Variants in AGAP1 observed in about 807,000 individuals in gnomAD.
AGAP1 encodes the protein arf-GAP with GTPase, ANK repeat and PH domain-containing protein 1.
AGAP1 carries 29 observed loss-of-function variants against 105.3 expected under a neutral mutation model. The ratio of observed to expected loss-of-function variants is 0.28; its 90% CI spans 0.21 to 0.38. The LOEUF (loss-of-function observed/expected upper bound fraction) is 0.38. Among genes scored for constraint, AGAP1 ranks in the 10% least tolerant of loss-of-function variants. AGAP1 has a pLI of 1.00. For synonymous variants in AGAP1, 509 were observed against 485.9 expected (o/e 1.05, Z -0.63); for missense variants, 998 against 1,165.1 (o/e 0.86, Z 2.09).
At chr2:235,561,133 G>A (rs1944136723) in intron 1 of AGAP1, among the ~76,000 whole-genome samples, 3 of 152,164 alleles carry the variant, frequency 2.0e-5, no homozygotes, top group Admixed American at 2.0e-4. Context: ...CTTCCATAGG[G>A]TCACTGCCTC....
rs2059197733 is a variant in AGAP1, at chr2:236,096,577, ATTTATTT to A, written c.2115-23604_2115-23598del. On this transcript the variant is annotated intron_variant, in intron 16 of 17. Transcript: ENST00000304032. This position sits in a 1 kb window ranked among gnomAD's most constrained non-coding sequence, Gnocchi z 4.4. ...GACAAATGATGCAGTTTTATTTTTTATTTATTTTTTATTTTTTTGGGACAGAGTCTCG... is the reference window on the plus strand; with the variant it reads ...GACAAATGATGCAGTTTTATTTTTTATTTATTTTTTTGGGACAGAGTCTCG... Among the ~76,000 whole-genome samples the A allele has an allele frequency of 6.6e-6, 1 of 151,176 alleles. No homozygotes were observed. Among genetic ancestry groups the A allele is most frequent in the Non-Finnish European group, 1.5e-5 (1 of 67,878 alleles).
rs1944799244 is a variant in AGAP1 at position 235,578,118 on chromosome 2, G to A, written c.163+83269G>A. Among the ~76,000 whole-genome samples the A allele has an allele frequency of 6.6e-6, 1 of 152,260 alleles. No individual in the cohort carries two copies. The highest frequency in any genetic ancestry group is 1.5e-5 in the Non-Finnish European group (1 of 68,016). On this transcript the variant is annotated intron_variant, in intron 1 of 17. Coordinates refer to ENST00000304032, the MANE Select transcript of AGAP1 (RefSeq NM_001037131.3). The surrounding 1 kb of genome is among the most constrained non-coding windows in gnomAD (Gnocchi z 4.9). ...GGAGCAGAGACAAGAGTTCCAGGGCGAGCCTCAGTTCTGGGACCACCATTG... is the reference window on the plus strand; with the variant it reads ...GGAGCAGAGACAAGAGTTCCAGGGCAAGCCTCAGTTCTGGGACCACCATTG...
rs1203984621 is a variant in AGAP1 at position 235,582,800 on chromosome 2, G to A, written c.163+87951G>A. Among the ~76,000 whole-genome samples, 3 of 152,154 alleles carry A rather than the reference G, an allele frequency of 2.0e-5. No individual in the cohort carries two copies. Among genetic ancestry groups the A allele is most frequent in the Admixed American group, 6.5e-5 (1 of 15,282 alleles). Reference sequence around the variant, plus strand: ...CTTGAGTCCCACGTCCTAGCCTCCCGGCATCACAGCCTTATGCTGCATTTC... The same window carrying A: ...CTTGAGTCCCACGTCCTAGCCTCCCAGCATCACAGCCTTATGCTGCATTTC... On this transcript the variant is annotated intron_variant, in intron 1 of 17. Transcript: ENST00000304032. This position sits in a 1 kb window ranked among gnomAD's most constrained non-coding sequence, Gnocchi z 4.7.
At chr2:235,567,971 C>T (rs1442482932) in intron 1 of AGAP1, among the ~76,000 whole-genome samples, 1 of 152,136 alleles carries the variant, frequency 6.6e-6, no homozygotes, top group Non-Finnish European at 1.5e-5. Context: ...GGCTTTGGAG[C>T]CAGCATCCTT....
At chr2:236,030,687 G>C (rs553207844) in intron 13 of AGAP1, among the ~76,000 whole-genome samples, 2 of 152,316 alleles carry the variant, frequency 1.3e-5, no homozygotes, top group Non-Finnish European at 2.9e-5. Context: ...ATGCCTCACT[G>C]TGGACTGCTG....
rs143368890 is a variant in AGAP1 at position 235,874,084 on chromosome 2, G to A, written c.1051-9261G>A. ...TGTTTTTGTTTTTGTTTTGAGACAG[G>A]GTCTTGCTCTGTCGCCAGGCTGGAG... On this transcript the variant is annotated intron_variant, in intron 9 of 17. Coordinates refer to ENST00000304032, the MANE Select transcript of AGAP1 (RefSeq NM_001037131.3). This position sits in a 1 kb window ranked among gnomAD's most constrained non-coding sequence, Gnocchi z 4.5. Among the ~76,000 whole-genome samples the A allele has an allele frequency of 0.013, 2,014 of 151,662 alleles. 45 individuals are homozygous for A. Among genetic ancestry groups the A allele is most frequent in the African/African-American group, 0.046 (1,882 of 41,326 alleles).
In AGAP1 at chr2:235,494,663, GGCTC is replaced by G. The variant is rs1941228178; in HGVS notation, c.-23_-20del. The G allele has an allele frequency of 8.9e-6, 9 of 1,009,408 alleles. No homozygotes were observed. The highest frequency in any genetic ancestry group is 1.8e-5 in the African/African-American group (1 of 56,292). The allele number at this position is 1,009,408 out of a possible 1,614,324, so 62.5% of individuals were successfully genotyped here. On this transcript the variant is annotated 5_prime_UTR_variant, in exon 1 of 18. Coordinates refer to ENST00000304032, the MANE Select transcript of AGAP1 (RefSeq NM_001037131.3). The stretch of plus-strand genomic sequence containing the variant: ...GGGGCGGCGGCGGCGGGGGGCGCGC[GGCTC>G]CGGGCGCGGCGCCTGCACCATGAAC...
In AGAP1 at chr2:235,692,886, C is replaced by T. The variant is rs1456768345; in HGVS notation, c.164-16293C>T. ...TGGCACTGCCTGGCTCCGGAGATAG[C>T]GAGGGAGGGAGGGAGGCAGTGAGCA... is the stretch of plus-strand genomic sequence containing the variant. On this transcript the variant is annotated intron_variant, in intron 1 of 17. Transcript: ENST00000304032. The surrounding 1 kb of genome is among the most constrained non-coding windows in gnomAD (Gnocchi z 5.8). 3.3e-5 allele frequency among the ~76,000 whole-genome samples: 5 copies of T among 151,462 alleles called. No homozygotes were observed. The highest frequency in any genetic ancestry group is 1.3e-4 in the Admixed American group (2 of 15,216).
In AGAP1 at chr2:236,113,573, G is replaced by A. The variant is rs1476808918; in HGVS notation, c.2115-6619G>A. On this transcript the variant is annotated intron_variant, in intron 16 of 17. Coordinates refer to ENST00000304032, the MANE Select transcript of AGAP1 (RefSeq NM_001037131.3). The surrounding 1 kb of genome is among the most constrained non-coding windows in gnomAD (Gnocchi z 4.3). ...GATTACACCTTGCCAGCTGAGTCAT[G>A]CAGTGGATTTGGCATGGCAGGCACT... 6.6e-6 allele frequency among the ~76,000 whole-genome samples: 1 copy of A among 152,242 alleles called. No homozygotes were observed. The highest frequency in any genetic ancestry group is 6.5e-5 in the Admixed American group (1 of 15,280).
At chr2:235,653,843 G>C (rs918189378) in intron 1 of AGAP1, among the ~76,000 whole-genome samples, 2 of 152,184 alleles carry the variant, frequency 1.3e-5, no homozygotes, top group East Asian at 3.9e-4. Flanking sequence ...GATTATTTGA[G>C]GTCGGGAGTT....
Position 235,787,121 on chromosome 2 carries a change from C to T in AGAP1, c.674-10638C>T, listed in dbSNP as rs887580137. Among the ~76,000 whole-genome samples, 6 of 152,206 alleles carry T rather than the reference C, an allele frequency of 3.9e-5. No homozygotes were observed. Among genetic ancestry groups the T allele is most frequent in the South Asian group, 2.1e-4 (1 of 4,810 alleles). ...CCACAGGCTTGTGATCAGTGGGCTC[C>T]GGTTCTCACTTCTTGTCTTTGAGTT... On this transcript the variant is annotated intron_variant, in intron 6 of 17. Coordinates refer to ENST00000304032, the MANE Select transcript of AGAP1 (RefSeq NM_001037131.3). This position sits in a 1 kb window ranked among gnomAD's most constrained non-coding sequence, Gnocchi z 4.4.
chr2:235,912,126 T>G (rs1307310165), intron 11 of AGAP1, among the ~76,000 whole-genome samples: 1 of 152,242 alleles, frequency 6.6e-6, no homozygotes, highest in Non-Finnish European at 1.5e-5. Context: ...AGGAAGCAGC[T>G]TCATTAAAAT....
chr2:235,780,816 TC>T (rs1575441536), intron 6 of AGAP1, among the ~76,000 whole-genome samples: 1 of 152,186 alleles, frequency 6.6e-6, no homozygotes, highest in East Asian at 1.9e-4. Flanking sequence ...AAACAGTTGA[TC>T]CTGGCCGAGG....
At chr2:236,066,306 A>C (rs1354033794) in intron 16 of AGAP1, among the ~76,000 whole-genome samples, 1 of 152,122 alleles carries the variant, frequency 6.6e-6, no homozygotes, top group South Asian at 2.1e-4. Context: ...GTTCACTGCA[A>C]CCTCTGCCTC....
rs186129806 is a variant in AGAP1, at chr2:235,737,492, C to T, written c.311-3471C>T. 8.5e-5 allele frequency among the ~76,000 whole-genome samples: 13 copies of T among 152,286 alleles called. No individual in the cohort carries two copies. Among genetic ancestry groups the T allele is most frequent in the Admixed American group, 1.3e-4 (2 of 15,302 alleles). ...TTGCTTGAGATCACAAAGCCAGAGA[C>T]TTCAGGAGAGCAGAAATGAGAAGGC... is the stretch of plus-strand genomic sequence containing the variant. On this transcript the variant is annotated intron_variant, in intron 3 of 17. Transcript: ENST00000304032. This position sits in a 1 kb window ranked among gnomAD's most constrained non-coding sequence, Gnocchi z 4.5.
rs1951792412 is a variant in AGAP1 at position 235,728,868 on chromosome 2, TGAA to T, written c.310+11229_310+11231del. Among the ~76,000 whole-genome samples the T allele has an allele frequency of 6.6e-6, 1 of 151,988 alleles. No homozygotes were observed. The highest frequency in any genetic ancestry group is 6.6e-5 in the Admixed American group (1 of 15,264). ...AAGAAGGGAGTAGGTTTAGGTTGGA[TGAA>T]GAAGGGAGGTTTGGAGCCTGGACGA... On this transcript the variant is annotated intron_variant, in intron 3 of 17. Coordinates refer to ENST00000304032, the MANE Select transcript of AGAP1 (RefSeq NM_001037131.3). The surrounding 1 kb of genome is among the most constrained non-coding windows in gnomAD (Gnocchi z 4.3).
Position 235,550,007 on chromosome 2 carries a change from T to C in AGAP1, c.163+55158T>C, listed in dbSNP as rs1943753431. Among the ~76,000 whole-genome samples the C allele has an allele frequency of 6.6e-6, 1 of 152,164 alleles. No individual in the cohort carries two copies. The highest frequency in any genetic ancestry group is 2.1e-4 in the South Asian group (1 of 4,826). The stretch of plus-strand genomic sequence containing the variant: ...GGCTCTGGTAGTCTCACATAACTCT[T>C]TGGTGTCTGCAGCTGTATAATATGA... On this transcript the variant is annotated intron_variant, in intron 1 of 17. Coordinates refer to ENST00000304032, the MANE Select transcript of AGAP1 (RefSeq NM_001037131.3). This position sits in a 1 kb window ranked among gnomAD's most constrained non-coding sequence, Gnocchi z 4.6.
At chr2:236,100,945 G>A (rs1047699482) in intron 16 of AGAP1, among the ~76,000 whole-genome samples, 7 of 152,092 alleles carry the variant, frequency 4.6e-5, no homozygotes, top group African/African-American at 1.7e-4. Context: ...TCATTACCCT[G>A]GATGGAATTC....
chr2:235,703,367 C>T (rs181162677), intron 1 of AGAP1, among the ~76,000 whole-genome samples: 1 of 152,256 alleles, frequency 6.6e-6, no homozygotes, highest in Admixed American at 6.5e-5. Context: ...GGAGCATCCT[C>T]CCCCGGCTGT....
Sources: gnomAD v4.1 joint callset for allele counts (sites outside exome capture counted in the v4.1 genomes callset) on GRCh38, gnomAD v4.1.1 for gene constraint, Gnocchi (gnomAD v3.1) non-coding constraint, MANE v1.5 for transcripts, NCBI Gene and HGNC (gene_info 2026-07-23, HGNC 2026-07-21) for gene names.